Variants in DGKB observed in about 807,000 individuals in gnomAD.
The protein encoded by DGKB is 90 kDa diacylglycerol kinase.
In DGKB, 67 loss-of-function variants were observed where a neutral mutation model predicts 114.3. The ratio of observed to expected loss-of-function variants is 0.59; its 90% CI spans 0.48 to 0.72. The LOEUF (loss-of-function observed/expected upper bound fraction) is 0.72. Ranked by LOEUF, DGKB falls within the 30% of genes least tolerant of loss-of-function variation. The pLI, the probability that DGKB is intolerant of heterozygous loss-of-function variation, is 0.00. For synonymous variants in DGKB, 398 were observed against 323.1 expected (o/e 1.23, Z -2.49); for missense variants, 907 against 975.2 (o/e 0.93, Z 0.93).
intron 1 of DGKB, among the ~76,000 whole-genome samples, chr7:14,922,094 T>C (rs565553928): frequency 6.6e-6 from 1 of 152,218 alleles, no homozygotes; most frequent in South Asian, 2.1e-4. Context: ...TTATGCAACA[T>C]GCTGTTTAGT....
chr7:14,306,582 C>G (rs1021127449), intron 23 of DGKB, among the ~76,000 whole-genome samples: 14 of 151,984 alleles, frequency 9.2e-5, no homozygotes, highest in African/African-American at 3.4e-4. Context: ...GTGGATAGTC[C>G]AGTCGGTACA....
chr7:14,704,277 TACAA>T (rs1825749107), intron 6 of DGKB, among the ~76,000 whole-genome samples: 1 of 50,878 alleles, frequency 2.0e-5, no homozygotes. Context: ...CTACTAAAAA[TACAA>T]AAAAAAAAAA....
chr7:14,828,599 T>C (rs10241696), intron 2 of DGKB, among the ~76,000 whole-genome samples: 68,535 of 151,756 alleles, frequency 0.45, 15,819 homozygotes, highest in Non-Finnish European at 0.49. Flanking sequence ...TAAATTATAC[T>C]TCTAAGGAAT....
chr7:14,314,345 G>A (rs1333321384), intron 23 of DGKB, among the ~76,000 whole-genome samples: 2 of 151,664 alleles, frequency 1.3e-5, no homozygotes, highest in East Asian at 1.9e-4. Context: ...AGCTACGGGA[G>A]GACATTCAAA....
At chr7:14,838,056 GAAC>G (rs2128133186) in intron 2 of DGKB, among the ~76,000 whole-genome samples, 1 of 152,126 alleles carries the variant, frequency 6.6e-6, no homozygotes, top group African/African-American at 2.4e-5. Flanking sequence ...CCAATTTACT[GAAC>G]AACCATTGAT....
intron 20 of DGKB, among the ~76,000 whole-genome samples, chr7:14,524,789 G>A (rs536068957): frequency 1.8e-3 from 267 of 150,324 alleles, no homozygotes; most frequent in African/African-American, 6.0e-3. Context: ...TAATTTAAAT[G>A]TGCCATCTCT....
chr7:14,742,449 T>C (rs1832712636), intron 4 of DGKB, among the ~76,000 whole-genome samples: 1 of 152,214 alleles, frequency 6.6e-6, no homozygotes, highest in African/African-American at 2.4e-5. Flanking sequence ...CTTTAATCTT[T>C]GAGAAATAAA....
chr7:14,642,995 T>G (rs1461774469), intron 13 of DGKB, among the ~76,000 whole-genome samples: 1 of 152,218 alleles, frequency 6.6e-6, no homozygotes, highest in Admixed American at 6.5e-5. Flanking sequence ...TCAAGATGGC[T>G]GACTAGAGGA....
intron 1 of DGKB, among the ~76,000 whole-genome samples, chr7:14,869,919 A>G (rs1852211480): frequency 6.6e-6 from 1 of 152,156 alleles, no homozygotes; most frequent in Non-Finnish European, 1.5e-5. Context: ...GACAATTTAA[A>G]TAATGTTTTA....
intron 1 of DGKB, among the ~76,000 whole-genome samples, chr7:14,941,125 A>G (rs754239687): frequency 1.3e-5 from 2 of 152,110 alleles, no homozygotes; most frequent in Non-Finnish European, 2.9e-5. Context: ...TGAATTACTT[A>G]TTCTTGCTGA....
intron 1 of DGKB, among the ~76,000 whole-genome samples, chr7:14,908,791 G>A (rs1467555965): frequency 6.6e-6 from 1 of 152,158 alleles, no homozygotes; most frequent in Non-Finnish European, 1.5e-5. Flanking sequence ...GCCTCATGCA[G>A]TATGCATCAA....
chr7:14,319,046 C>A (rs972424751), intron 23 of DGKB, among the ~76,000 whole-genome samples: 1 of 150,540 alleles, frequency 6.6e-6, no homozygotes, highest in African/African-American at 2.5e-5. Flanking sequence ...AACAAAAAAC[C>A]AAACACTGCA....
intron 23 of DGKB, among the ~76,000 whole-genome samples, chr7:14,267,055 A>C (rs1420092934): frequency 6.6e-6 from 1 of 152,226 alleles, no homozygotes; most frequent in Non-Finnish European, 1.5e-5. Context: ...TTTGTGAATG[A>C]ATACATGTCT....
intron 2 of DGKB, among the ~76,000 whole-genome samples, chr7:14,826,802 A>C (rs141585568): frequency 1.3e-5 from 2 of 152,308 alleles, no homozygotes; most frequent in African/African-American, 4.8e-5. Context: ...TTTAGGCATA[A>C]TGTGACCTAT....
chr7:14,199,047 T>C (rs769356819), intron 23 of DGKB, among the ~76,000 whole-genome samples: 1 of 152,100 alleles, frequency 6.6e-6, no homozygotes, highest in African/African-American at 2.4e-5. Context: ...CCAGTTACCC[T>C]ATCTCTAAAA....
intron 17 of DGKB, among the ~76,000 whole-genome samples, chr7:14,588,882 T>C (rs1801216331): frequency 6.6e-6 from 1 of 152,064 alleles, no homozygotes; most frequent in Non-Finnish European, 1.5e-5. Context: ...TTCATGTACA[T>C]TTAAACTCAT....
chr7:14,492,625 A>G lies in DGKB; in HGVS notation c.1771-14400T>C, dbSNP rs952537006. 1.1e-4 allele frequency among the ~76,000 whole-genome samples: 16 copies of G among 152,156 alleles called. 1 individual carries two copies. The highest frequency in any genetic ancestry group is 7.9e-4 in the Admixed American group (12 of 15,232). On this transcript the variant is annotated intron_variant, in intron 20 of 25. Transcript: ENST00000402815. ...TAATCTCTGTTTTCTGCAAATCATGAACCCCCGCCATGATGGGTTTCTACA... is the reference window on the plus strand; with the variant it reads ...TAATCTCTGTTTTCTGCAAATCATGGACCCCCGCCATGATGGGTTTCTACA...
chr7:14,903,427 C>A (rs927293609), upstream of DGKB: 1 of 152,262 alleles, frequency 6.6e-6, no homozygotes, highest in African/African-American at 2.4e-5. Context: ...GGGGAGGAGA[C>A]GGTGCAGGTG....
chr7:14,942,179 C>A (rs960225443), intron 1 of DGKB, among the ~76,000 whole-genome samples: 1 of 151,790 alleles, frequency 6.6e-6, no homozygotes, highest in Admixed American at 6.6e-5. Context: ...TTCCTCATTC[C>A]GGATCCTGAA....
Sources: gnomAD v4.1 joint callset for allele counts (sites outside exome capture counted in the v4.1 genomes callset) on GRCh38, gnomAD v4.1.1 for gene constraint, MANE v1.5 for transcripts, NCBI Gene and HGNC (gene_info 2026-07-23, HGNC 2026-07-21) for gene names.